HMCES: variants seen among roughly 807,000 people sequenced by gnomAD.
The protein encoded by HMCES is 5-hydroxymethylcytosine binding, ES cell specific.
A neutral mutation model predicts 35.1 loss-of-function variants in HMCES; 27 were observed. The ratio of observed to expected loss-of-function variants is 0.77; its 90% CI spans 0.57 to 1.06. The LOEUF is 1.06. HMCES is among the 50% of genes least tolerant of loss of function. HMCES has a pLI of 0.00. For missense variants in HMCES, 391 were observed against 430.4 expected (o/e 0.91, Z 0.81); for synonymous variants, 130 against 154.7 (o/e 0.84, Z 1.18).
chr3:129,285,646 G>A (rs1940616593), intron 2 of HMCES, among the ~76,000 whole-genome samples: 1 of 151,104 alleles, frequency 6.6e-6, no homozygotes, highest in African/African-American at 2.4e-5. Context: ...GTAGAGACGG[G>A]GTTTCACCGT....
At chr3:129,292,857 T>C (rs2071041422) in intron 4 of HMCES, among the ~76,000 whole-genome samples, 1 of 152,094 alleles carries the variant, frequency 6.6e-6, no homozygotes, top group African/African-American at 2.4e-5. Context: ...CCTAGCTGGC[T>C]TTAAGGAGTA....
chr3:129,281,725 A>G (rs1940492446), intron 2 of HMCES, among the ~76,000 whole-genome samples: 1 of 151,804 alleles, frequency 6.6e-6, no homozygotes, highest in Non-Finnish European at 1.5e-5. Context: ...ATGGCTGGGC[A>G]CGGTGGCTCA....
chr3:129,293,371 T>C (rs2071047784), intron 4 of HMCES, among the ~76,000 whole-genome samples: 1 of 152,066 alleles, frequency 6.6e-6, no homozygotes, highest in African/African-American at 2.4e-5. Context: ...CAGAAACCTA[T>C]TGAAATAAAA....
intron 2 of HMCES, 117 bp from the exon 3 acceptor site, chr3:129,288,737 A>T: frequency 1.1e-6 from 1 of 883,468 alleles, no homozygotes; most frequent in Non-Finnish European, 1.6e-6. Context: ...TTCCCTGTTT[A>T]AAAATAATCT....
chr3:129,287,965 G>A (rs1940683647), intron 2 of HMCES, among the ~76,000 whole-genome samples: 1 of 152,176 alleles, frequency 6.6e-6, no homozygotes, highest in Non-Finnish European at 1.5e-5. Context: ...GCTGAGGTAG[G>A]AGAATCGCTT....
intron 2 of HMCES, among the ~76,000 whole-genome samples, chr3:129,286,117 C>T (rs1244797875): frequency 6.6e-6 from 1 of 152,226 alleles, no homozygotes; most frequent in African/African-American, 2.4e-5. Context: ...GGTCCTCAGA[C>T]CAAATCTGGC....
rs1181094513 is a variant in HMCES, at chr3:129,306,167, A to G, written c.*1342A>G. The G allele has an allele frequency of 6.6e-6, 1 of 152,248 alleles. No homozygotes were observed. Among genetic ancestry groups the G allele is most frequent in the Admixed American group, 6.5e-5 (1 of 15,292 alleles). 9.4% of individuals were successfully genotyped at this position (152,248 alleles called of 1,614,324 possible). On this transcript the variant is annotated 3_prime_UTR_variant, in exon 7 of 7. Transcript: ENST00000383463. ...GTTTTGTCATATTTGCTTCCAGGTT[A>G]ATAAATGACAAAAATGAAATTCCCT...
chr3:129,300,768 C>A (rs1376804483), intron 5 of HMCES, among the ~76,000 whole-genome samples: 1 of 152,112 alleles, frequency 6.6e-6, no homozygotes, highest in Non-Finnish European at 1.5e-5. Context: ...CGGTGGCTCA[C>A]ACCTGTAATC....
intron 4 of HMCES, among the ~76,000 whole-genome samples, chr3:129,295,791 T>G (rs1159917446): frequency 6.6e-6 from 1 of 152,214 alleles, no homozygotes; most frequent in African/African-American, 2.4e-5. Context: ...CTTTTAAGAT[T>G]TTCTCTTAGG....
At chr3:129,281,791 G>A (rs916811411) in intron 2 of HMCES, among the ~76,000 whole-genome samples, 1 of 151,712 alleles carries the variant, frequency 6.6e-6, no homozygotes, top group African/African-American at 2.4e-5. Context: ...ATCTCTTGAG[G>A]TCACGAGTTT....
intron 2 of HMCES, among the ~76,000 whole-genome samples, chr3:129,280,412 A>G (rs1463149826): frequency 6.6e-6 from 1 of 152,146 alleles, no homozygotes; most frequent in Non-Finnish European, 1.5e-5. Flanking sequence ...TGGGAAGATC[A>G]CTTGAGCTGG....
rs62266887 is a variant in HMCES, at chr3:129,279,274, G to C, written c.-24+369G>C. ...GCGGGGATTCTGCACCCCGGCCCCG[G>C]GCCGTCCAGTGGCCGCCCTCGAGGT... On this transcript the variant is annotated intron_variant, in intron 1 of 6. Coordinates refer to ENST00000383463, the MANE Select transcript of HMCES (RefSeq NM_020187.3). This position sits in a 1 kb window ranked among gnomAD's most constrained non-coding sequence, Gnocchi z 4.2. 0.12 allele frequency: 20,251 copies of C among 168,158 alleles called. 1,414 individuals carry two copies. Among genetic ancestry groups the C allele is most frequent in the Middle Eastern group, 0.21 (77 of 366 alleles). 10.4% of individuals were successfully genotyped at this position (168,158 alleles called of 1,614,324 possible). A position where few individuals can be genotyped will look rare whatever the true frequency, so the allele number is the denominator to read the frequency against.
chr3:129,282,882 G>T (rs1940536148), intron 2 of HMCES, among the ~76,000 whole-genome samples: 1 of 152,140 alleles, frequency 6.6e-6, no homozygotes. Flanking sequence ...TAGTATTTTG[G>T]CTTTTCAACT....
In HMCES at chr3:129,279,813, GC is replaced by G. The variant is rs765237681; in HGVS notation, c.82del (p.Arg28GlyfsTer75). 12 of 1,613,608 alleles carry G rather than the reference GC, an allele frequency of 7.4e-6. No homozygotes were observed. In the South Asian group the frequency reaches 1.2e-4, roughly 16 times the overall value. ...CAYQDRRGQQ[R>X]LPEWRDPDKY... The stretch of plus-strand genomic sequence containing the variant: ...CCTACCAGGATCGGCGGGGCCAGCA[GC>G]GGCTCCCGGAGTGGAGGGACCCTGA... On this transcript the variant is annotated frameshift_variant, in exon 2 of 7. Transcript: ENST00000383463. LOFTEE classifies it high-confidence loss of function. The surrounding 1 kb of genome is among the most constrained non-coding windows in gnomAD (Gnocchi z 4.2).
chr3:129,279,599 G>GT lies in HMCES; in HGVS notation c.-23-110dup. On this transcript the variant is annotated intron_variant, in intron 1 of 6. Coordinates refer to ENST00000383463, the MANE Select transcript of HMCES (RefSeq NM_020187.3). The surrounding 1 kb of genome is among the most constrained non-coding windows in gnomAD (Gnocchi z 4.2). ...TTTTTGGGGAAGACTTTAGACGGTG[G>GT]TCACGGAGGGGCACGGCCCTGTGGG... is the stretch of plus-strand genomic sequence containing the variant. 1.8e-6 allele frequency: 2 copies of GT among 1,081,874 alleles called. No homozygotes were observed. The highest frequency in any genetic ancestry group is 3.2e-5 in the African/African-American group (2 of 62,358). The allele number at this position is 1,081,874 out of a possible 1,614,324, so 67.0% of individuals were successfully genotyped here. A position where few individuals can be genotyped will look rare whatever the true frequency, so the allele number is the denominator to read the frequency against.
chr3:129,290,893 TA>T, intron 4 of HMCES, 89 bp downstream of exon 4: 1 of 1,308,084 alleles, frequency 7.6e-7, no homozygotes, highest in South Asian at 1.3e-5. Context: ...CCCATAGTTT[TA>T]TTTATTTATT....
At chr3:129,302,224 T>C (rs2071178586) in intron 6 of HMCES, 82 bp downstream of exon 6, 6 of 1,210,190 alleles carry the variant, frequency 5.0e-6, no homozygotes, top group Non-Finnish European at 7.0e-6. Context: ...TGTGGCCTTT[T>C]ATGATCAGCC....
chr3:129,297,131 C>CCT (rs1169241818), intron 4 of HMCES, among the ~76,000 whole-genome samples: 1 of 152,092 alleles, frequency 6.6e-6, no homozygotes, highest in African/African-American at 2.4e-5. Context: ...TCTCAGCAGC[C>CCT]CTCCTCTCTT....
chr3:129,304,047 G>T (rs1288176974), intron 6 of HMCES, among the ~76,000 whole-genome samples: 2 of 152,114 alleles, frequency 1.3e-5, no homozygotes, highest in Admixed American at 1.3e-4. Flanking sequence ...ACCTAGCCCT[G>T]CCATGGTGTT....
Sources: allele counts gnomAD v4.1 joint callset (sites outside exome capture counted in the v4.1 genomes callset), GRCh38; gene constraint gnomAD v4.1.1; non-coding constraint Gnocchi (gnomAD v3.1); transcripts MANE v1.5; gene names NCBI Gene and HGNC (gene_info 2026-07-23, HGNC 2026-07-21).